DACH2: variants seen among roughly 807,000 people sequenced by gnomAD.
DACH2 encodes the protein dachshund family transcription factor 2.
DACH2 carries 17 observed loss-of-function variants against 35.8 expected under a neutral mutation model. The observed-to-expected ratio is 0.48, with a 90% CI of 0.33 to 0.71. The LOEUF (loss-of-function observed/expected upper bound fraction) is 0.71, where lower values mean the gene tolerates loss of function less well. DACH2 is among the 30% of genes least tolerant of loss of function. The probability of loss-of-function intolerance (pLI) is 0.02; values close to 1 mark genes in which losing one functional copy is unlikely to be tolerated. For synonymous variants in DACH2, 195 were observed against 177.3 expected (o/e 1.10, Z -0.79); for missense variants, 469 against 472.7 (o/e 0.99, Z 0.07).
chrX:86,275,683 C>T (rs1003524668), intron 1 of DACH2, among the ~76,000 whole-genome samples: 11 of 111,578 alleles, frequency 9.9e-5, no homozygotes, highest in African/African-American at 3.6e-4. Context: ...TTAACTGTCC[C>T]CACCTCCCCC....
At chrX:86,214,447 A>G (rs745716418) in intron 1 of DACH2, among the ~76,000 whole-genome samples, 6 of 112,399 alleles carry the variant, frequency 5.3e-5, no homozygotes, top group African/African-American at 1.3e-4. Context: ...GTGATAGAAG[A>G]AGGATGAAAC....
intron 4 of DACH2, among the ~76,000 whole-genome samples, chrX:86,674,309 T>C (rs1408347056): frequency 1.8e-5 from 2 of 112,562 alleles, no homozygotes; most frequent in Admixed American, 1.9e-4. Context: ...GTCTCTTAAT[T>C]TGACAACTTT....
chrX:86,173,372 A>G (rs974262040), intron 1 of DACH2, among the ~76,000 whole-genome samples: 1 of 112,104 alleles, frequency 8.9e-6, no homozygotes, highest in African/African-American at 3.2e-5. Context: ...GGTAAGTGCT[A>G]TGGAAAAATA....
At chrX:86,160,941 G>A (rs2030732894) in intron 1 of DACH2, 2 of 749,909 alleles carry the variant, frequency 2.7e-6, no homozygotes, top group Non-Finnish European at 4.2e-6. Flanking sequence ...TGGACCAGAT[G>A]GTGGTAGGAT....
At chrX:86,575,349 T>TGG (rs755872399) in intron 3 of DACH2, among the ~76,000 whole-genome samples, 1 of 109,697 alleles carries the variant, frequency 9.1e-6, no homozygotes, top group African/African-American at 3.3e-5. Flanking sequence ...AATGCAATGG[T>TGG]GGGGGGGGAA....
In DACH2 at chrX:86,675,451, G is replaced by A. The variant is rs145891162; in HGVS notation, c.773-19570G>A. 4.4e-3 allele frequency among the ~76,000 whole-genome samples: 490 copies of A among 111,929 alleles called. 3 individuals are homozygous for A. Among genetic ancestry groups the A allele is most frequent in the African/African-American group, 0.015 (467 of 30,834 alleles). On this transcript the variant is annotated intron_variant, in intron 4 of 11. Transcript: ENST00000373125. ...TGTAATCCTAGCACTTTACGAAGTC[G>A]AGGCAGGTGGATCACTTGAACCCAG...
At chrX:86,165,934 A>G (rs762623086) in intron 1 of DACH2, among the ~76,000 whole-genome samples, 20 of 111,611 alleles carry the variant, frequency 1.8e-4, no homozygotes, top group Non-Finnish European at 2.1e-4. Flanking sequence ...GATCTTTCCC[A>G]AAGTTTTCTT....
intron 1 of DACH2, among the ~76,000 whole-genome samples, chrX:86,218,303 A>G (rs777516465): frequency 1.8e-5 from 2 of 112,118 alleles, no homozygotes; most frequent in South Asian, 7.3e-4. Context: ...TTATTAATAA[A>G]TATTTTCCAT....
chrX:86,747,946 T>C (rs991148671), intron 7 of DACH2, among the ~76,000 whole-genome samples: 2 of 112,369 alleles, frequency 1.8e-5, no homozygotes, highest in African/African-American at 6.5e-5. Context: ...ATATTCCAAA[T>C]ACTTTGTTGT....
chrX:86,665,934 C>T (rs2148418703), intron 4 of DACH2, among the ~76,000 whole-genome samples: 1 of 111,591 alleles, frequency 9.0e-6, no homozygotes, highest in Non-Finnish European at 1.9e-5. Context: ...ACTTTCTTTT[C>T]ATAAGTTCTT....
chrX:86,722,229 G>A (rs1471194621), intron 6 of DACH2, among the ~76,000 whole-genome samples: 1 of 111,827 alleles, frequency 8.9e-6, no homozygotes, highest in Non-Finnish European at 1.9e-5. Flanking sequence ...TTAGTTCATT[G>A]AGCTCTTTTA....
intron 4 of DACH2, among the ~76,000 whole-genome samples, chrX:86,669,402 TGGCAA>T (rs1327298896): frequency 9.0e-6 from 1 of 111,207 alleles, no homozygotes; most frequent in Non-Finnish European, 1.9e-5. Flanking sequence ...ATACAAGAAT[TGGCAA>T]AAAAAGATAT....
In DACH2 at chrX:86,514,318, G is replaced by C; in HGVS notation, c.567G>C (p.Val189=). Reference sequence around the variant, plus strand: ...GGCCCCCTAAGCGTTCTTTGGGAGTGTTGCAGGAAAATGCCCGCCTTCTGA... The same window carrying C: ...GGCCCCCTAAGCGTTCTTTGGGAGTCTTGCAGGAAAATGCCCGCCTTCTGA... ...PGRPPKRSLG[V]LQENARLLTH... is the part of the protein sequence containing the mutation. Residue 189 remains valine (V), a synonymous_variant, in exon 3 of 12, where the codon GTG becomes GTC. Coordinates refer to ENST00000373125, the MANE Select transcript of DACH2 (RefSeq NM_053281.3). The C allele has an allele frequency of 8.3e-7, 1 of 1,211,501 alleles. No homozygotes were observed. Among genetic ancestry groups the C allele is most frequent in the Non-Finnish European group, 1.1e-6 (1 of 895,408 alleles).
intron 1 of DACH2, among the ~76,000 whole-genome samples, chrX:86,198,443 T>G (rs1245220090): frequency 1.8e-5 from 2 of 111,364 alleles, no homozygotes; most frequent in African/African-American, 6.5e-5. Context: ...AGAAGGAGAT[T>G]GGGACAGTTG....
intron 1 of DACH2, among the ~76,000 whole-genome samples, chrX:86,312,327 T>C (rs780008781): frequency 1.3e-4 from 15 of 112,132 alleles, no homozygotes; most frequent in Non-Finnish European, 2.4e-4. Context: ...TGGGAATTGG[T>C]GCCATTTTAG....
chrX:86,319,483 A>G (rs755343709), intron 1 of DACH2, among the ~76,000 whole-genome samples: 135 of 112,106 alleles, frequency 1.2e-3, no homozygotes, highest in South Asian at 8.5e-3. Flanking sequence ...TACTAGATAC[A>G]GATAAAGTAT....
intron 1 of DACH2, among the ~76,000 whole-genome samples, chrX:86,328,006 A>G (rs757967493): frequency 5.4e-5 from 6 of 111,558 alleles, no homozygotes; most frequent in African/African-American, 1.9e-4. Context: ...CATTACTGCA[A>G]TACTTGTTTT....
intron 2 of DACH2, among the ~76,000 whole-genome samples, chrX:86,400,260 G>A (rs1227173221): frequency 2.7e-5 from 3 of 110,442 alleles, no homozygotes. Context: ...CTCTACATTG[G>A]TTATTCTAGT....
intron 1 of DACH2, among the ~76,000 whole-genome samples, chrX:86,276,050 T>A (rs2033910456): frequency 8.9e-6 from 1 of 112,283 alleles, no homozygotes; most frequent in Admixed American, 9.4e-5. Flanking sequence ...TATACTGAAT[T>A]TCCTTTCTTT....
Sources: allele counts gnomAD v4.1 joint callset (sites outside exome capture counted in the v4.1 genomes callset), GRCh38; gene constraint gnomAD v4.1.1; transcripts MANE v1.5; gene names NCBI Gene and HGNC (gene_info 2026-07-23, HGNC 2026-07-21).